AFF3: variants seen among roughly 807,000 people sequenced by gnomAD.
AFF3 encodes AF4/FMR2 family member 3.
Under a neutral mutation model 129.7 loss-of-function variants are expected in AFF3, and 32 were observed. The observed-to-expected ratio is 0.25, with a 90% confidence interval of 0.19 to 0.33. The LOEUF is 0.33. Ranked by LOEUF, AFF3 falls within the 10% of genes least tolerant of loss-of-function variation. The probability of loss-of-function intolerance (pLI) is 1.00; values close to 1 mark genes in which losing one functional copy is unlikely to be tolerated. For missense variants in AFF3, 1,373 were observed against 1,592.0 expected (o/e 0.86, Z 2.34); for synonymous variants, 644 against 635.4 (o/e 1.01, Z -0.20).
Position 99,551,449 on chromosome 2 carries a change from C to A in AFF3, c.*25G>T. The A allele has an allele frequency of 6.2e-7, 1 of 1,613,374 alleles. No individual in the cohort carries two copies. The highest frequency in any genetic ancestry group is 8.5e-7 in the Non-Finnish European group (1 of 1,179,870). ...TTGAGCCATCTGTGGAGACCAGAGC[C>A]CACTCTGGCCCCAGGGTGAGGTCCC... On this transcript the variant is annotated 3_prime_UTR_variant, in exon 25 of 25. Transcript: ENST00000672756.
At position 99,550,440 on chromosome 2, in the gene AFF3, G is replaced by A. The variant is rs1228111513; in HGVS notation, c.*1034C>T. On this transcript the variant is annotated 3_prime_UTR_variant, in exon 25 of 25. Transcript: ENST00000672756. The stretch of plus-strand genomic sequence containing the variant: ...GCAAATAGCTCTCAGCCTGGTAAGC[G>A]AAGGATTCAGGCTCCTACTGAAGGG... 2.2e-5 allele frequency: 5 copies of A among 230,714 alleles called. No homozygotes were observed. The highest frequency in any genetic ancestry group is 6.2e-5 in the East Asian group (1 of 16,234). 14.3% of individuals were successfully genotyped at this position (230,714 alleles called of 1,614,324 possible).
intron 11 of AFF3, among the ~76,000 whole-genome samples, chr2:99,681,765 C>G (rs546560255): frequency 9.3e-4 from 142 of 152,284 alleles, no homozygotes; most frequent in African/African-American, 3.3e-3. Context: ...GAATAAATTA[C>G]TGTCATTCAG....
chr2:99,814,551 T>C (rs930259550), intron 8 of AFF3, among the ~76,000 whole-genome samples: 1 of 152,126 alleles, frequency 6.6e-6, no homozygotes, highest in Non-Finnish European at 1.5e-5. Flanking sequence ...TCTGGAACCA[T>C]GAAAACATCC....
intron 7 of AFF3, among the ~76,000 whole-genome samples, chr2:99,978,553 C>T (rs1335852875): frequency 2.6e-5 from 4 of 152,176 alleles, no homozygotes; most frequent in African/African-American, 9.7e-5. Context: ...TCCCCCCAGA[C>T]AAACCCAAGG....
intron 7 of AFF3, among the ~76,000 whole-genome samples, chr2:99,986,511 C>T (rs1281940713): frequency 6.6e-6 from 1 of 152,064 alleles, no homozygotes; most frequent in Non-Finnish European, 1.5e-5. Context: ...AACTGATTTT[C>T]CTCCCCAAAG....
intron 14 of AFF3, among the ~76,000 whole-genome samples, chr2:99,599,901 A>G (rs956708907): frequency 1.6e-4 from 24 of 152,188 alleles, no homozygotes; most frequent in African/African-American, 4.3e-4. Flanking sequence ...TGTCAGCTCT[A>G]TGAAGATAGG....
intron 7 of AFF3, among the ~76,000 whole-genome samples, chr2:99,998,340 C>T (rs561097996): frequency 6.6e-6 from 1 of 152,272 alleles, no homozygotes; most frequent in African/African-American, 2.4e-5. Flanking sequence ...AGGGCACCAT[C>T]CCCTTCTGCT....
chr2:100,067,780 A>G (rs536132918), intron 4 of AFF3, among the ~76,000 whole-genome samples: 1 of 152,260 alleles, frequency 6.6e-6, no homozygotes, highest in East Asian at 1.9e-4. Context: ...TAGAAAATTA[A>G]AAGACTTGTC....
At chr2:99,837,665 C>A (rs975519642) in intron 7 of AFF3, 141 bp from the exon 8 acceptor site, 3 of 685,180 alleles carry the variant, frequency 4.4e-6, no homozygotes, top group Non-Finnish European at 2.5e-6. Flanking sequence ...CTGGGACTGG[C>A]AGACAGGCTC....
intron 4 of AFF3, among the ~76,000 whole-genome samples, chr2:100,044,395 A>C (rs1238325224): frequency 6.6e-6 from 1 of 152,200 alleles, no homozygotes; most frequent in Admixed American, 6.5e-5. Flanking sequence ...AAATGAAAAC[A>C]CTGAACGTAT....
chr2:99,992,769 G>A (rs553737944), intron 7 of AFF3, among the ~76,000 whole-genome samples: 5 of 152,320 alleles, frequency 3.3e-5, no homozygotes, highest in African/African-American at 1.2e-4. Context: ...TCAGAAAGTC[G>A]TAAGTGAGAT....
chr2:99,941,706 C>T (rs1361993889), intron 7 of AFF3, among the ~76,000 whole-genome samples: 1 of 152,196 alleles, frequency 6.6e-6, no homozygotes, highest in Admixed American at 6.5e-5. Context: ...TCTGTCCTTC[C>T]TCCTTCTTCC....
intron 8 of AFF3, among the ~76,000 whole-genome samples, chr2:99,828,471 G>C (rs1688271748): frequency 1.3e-5 from 2 of 152,126 alleles, no homozygotes; most frequent in Admixed American, 6.5e-5. Context: ...GTCAGTCCTG[G>C]AGCAAGTCAG....
intron 7 of AFF3, among the ~76,000 whole-genome samples, chr2:99,934,002 G>C (rs1274098161): frequency 6.6e-6 from 1 of 152,134 alleles, no homozygotes; most frequent in Non-Finnish European, 1.5e-5. Context: ...ATGCATTACA[G>C]GCTTTGGAGG....
chr2:99,735,116 A>G (rs1164061346), intron 10 of AFF3, among the ~76,000 whole-genome samples: 2 of 152,218 alleles, frequency 1.3e-5, no homozygotes, highest in African/African-American at 2.4e-5. Context: ...TACATGTAAT[A>G]CCTGAAAAAT....
chr2:99,912,440 C>G (rs974053886), intron 7 of AFF3, among the ~76,000 whole-genome samples: 4 of 152,142 alleles, frequency 2.6e-5, no homozygotes, highest in Admixed American at 2.0e-4. Context: ...CTCAAATTTA[C>G]AACTATGCTG....
intron 12 of AFF3, among the ~76,000 whole-genome samples, chr2:99,664,815 A>T (rs1686534692): frequency 6.6e-6 from 1 of 152,260 alleles, no homozygotes; most frequent in Admixed American, 6.5e-5. Flanking sequence ...TGCCCTCAGG[A>T]AACTTCCAGT....
chr2:99,915,370 T>C (rs1217995690), intron 7 of AFF3, among the ~76,000 whole-genome samples: 1 of 152,146 alleles, frequency 6.6e-6, no homozygotes, highest in African/African-American at 2.4e-5. Flanking sequence ...GAAACATCAC[T>C]ACACGTTATT....
At chr2:100,122,401 T>C (rs1434754305) in intron 2 of AFF3, among the ~76,000 whole-genome samples, 1 of 152,248 alleles carries the variant, frequency 6.6e-6, no homozygotes, top group Non-Finnish European at 1.5e-5. Context: ...TGTCACTTTA[T>C]TTAATTTCTT....
Sources: allele counts gnomAD v4.1 joint callset (sites outside exome capture counted in the v4.1 genomes callset), GRCh38; gene constraint gnomAD v4.1.1; transcripts MANE v1.5; gene names NCBI Gene and HGNC (gene_info 2026-07-23, HGNC 2026-07-21).